The following PIGK variants were observed in gnomAD, a reference collection of about 807,000 sequenced individuals.
The protein encoded by PIGK is phosphatidylinositol glycan anchor biosynthesis class K.
A neutral mutation model predicts 50.6 loss-of-function variants in PIGK; 42 were observed. That is an observed-to-expected ratio of 0.83 (90% confidence interval 0.65 to 1.07). The LOEUF (loss-of-function observed/expected upper bound fraction) is 1.07. Among genes scored for constraint, PIGK ranks in the 50% least tolerant of loss-of-function variants. The pLI, the probability that PIGK is intolerant of heterozygous loss-of-function variation, is 0.00. For missense variants in PIGK, 448 were observed against 488.7 expected (o/e 0.92, Z 0.78); for synonymous variants, 151 against 156.0 (o/e 0.97, Z 0.24).
chr1:77,151,638 AT>A (rs1402869819), intron 9 of PIGK, among the ~76,000 whole-genome samples: 10 of 152,308 alleles, frequency 6.6e-5, no homozygotes, highest in African/African-American at 2.4e-4. Flanking sequence ...TGATGAACAA[AT>A]TCAGTAAAGT....
At chr1:77,105,280 G>C (rs1653642224) in intron 10 of PIGK, among the ~76,000 whole-genome samples, 1 of 151,884 alleles carries the variant, frequency 6.6e-6, no homozygotes, top group African/African-American at 2.4e-5. Flanking sequence ...CACAGGATGG[G>C]GGTGGGGCAG....
At chr1:77,104,268 A>T (rs747681182) in intron 10 of PIGK, among the ~76,000 whole-genome samples, 1 of 152,146 alleles carries the variant, frequency 6.6e-6, no homozygotes, top group Non-Finnish European at 1.5e-5. Context: ...CTAGAAAAAG[A>T]CTTATGAAAA....
At position 77,163,868 on chromosome 1, in the gene PIGK, C is replaced by T; in HGVS notation, c.562G>A (p.Glu188Lys). The T allele has an allele frequency of 6.2e-7, 1 of 1,607,586 alleles. No homozygotes were observed. Among genetic ancestry groups the T allele is most frequent in the East Asian group, 2.2e-5 (1 of 44,606 alleles). Residue 188 changes from glutamate (E) to lysine (K), a missense_variant, in exon 6 of 11, where the codon GAA (glutamate) becomes AAA (lysine). Glu to Lys is a moderately conservative substitution (Grantham distance 56). Coordinates refer to ENST00000370812, the MANE Select transcript of PIGK (RefSeq NM_005482.3). ...TACCGTCTTTTCTGCCACATTTGTT[C>T]AAAAGCATCCGCGAGTTCTATGTTG... is the stretch of plus-strand genomic sequence containing the variant. Reference protein sequence around the residue: ...ITNIELADAFEQMWQKRRYNE... With the variant: ...ITNIELADAFKQMWQKRRYNE...
At chr1:77,096,340 G>A (rs536235261) in intron 10 of PIGK, among the ~76,000 whole-genome samples, 106 of 152,226 alleles carry the variant, frequency 7.0e-4, no homozygotes, top group African/African-American at 2.4e-3. Context: ...CCTCTGCAAC[G>A]TGACTTTATA....
intron 9 of PIGK, among the ~76,000 whole-genome samples, chr1:77,136,054 T>C (rs1267212650): frequency 1.3e-5 from 2 of 152,298 alleles, no homozygotes; most frequent in South Asian, 2.1e-4. Context: ...TGCATCCCTT[T>C]AGGTATTAAG....
chr1:77,191,523 C>T (rs929678899), intron 3 of PIGK, among the ~76,000 whole-genome samples: 7 of 152,152 alleles, frequency 4.6e-5, no homozygotes, highest in Admixed American at 1.3e-4. Context: ...TTGACCACAT[C>T]CTGAATTATA....
intron 10 of PIGK, among the ~76,000 whole-genome samples, chr1:77,115,576 GAATACTCCCA>G (rs777569460): frequency 2.0e-5 from 3 of 151,966 alleles, no homozygotes; most frequent in Non-Finnish European, 4.4e-5. Context: ...CAAATACCTA[GAATACTCCCA>G]AAGAGCAACA....
intron 3 of PIGK, among the ~76,000 whole-genome samples, chr1:77,184,775 C>A (rs1655701319): frequency 6.6e-6 from 1 of 152,204 alleles, no homozygotes; most frequent in East Asian, 1.9e-4. Context: ...CCCATATTGG[C>A]TCCTTGACTG....
chr1:77,148,748 C>T (rs1180669261), intron 9 of PIGK, among the ~76,000 whole-genome samples: 2 of 149,312 alleles, frequency 1.3e-5, no homozygotes, highest in Non-Finnish European at 3.0e-5. Flanking sequence ...CAGAGTCTTG[C>T]TCTGTCGCCA....
rs113103663 is a variant in PIGK, at chr1:77,134,315, T to C, written c.987-11956A>G. ...ATCCTGAAGATGTTTATCTCCTCAG[T>C]AATACAAGACTAGTAAATTCATAGC... On this transcript the variant is annotated intron_variant, in intron 9 of 10. Transcript: ENST00000370812. 4.7e-3 allele frequency among the ~76,000 whole-genome samples: 712 copies of C among 152,350 alleles called. 4 individuals are homozygous for C. The highest frequency in any genetic ancestry group is 0.027 in the Middle Eastern group (8 of 294).
intron 10 of PIGK, among the ~76,000 whole-genome samples, chr1:77,117,307 A>G (rs1321144885): frequency 6.6e-6 from 1 of 152,232 alleles, no homozygotes; most frequent in Non-Finnish European, 1.5e-5. Flanking sequence ...AAAATTATCT[A>G]TTGAGACTTG....
chr1:77,136,013 CTT>C (rs1459267225), intron 9 of PIGK, among the ~76,000 whole-genome samples: 1 of 152,180 alleles, frequency 6.6e-6, no homozygotes, highest in Non-Finnish European at 1.5e-5. Flanking sequence ...ACTCAGACCT[CTT>C]TTCTGGTTCA....
chr1:77,136,536 C>CAAA lies in PIGK; in HGVS notation c.987-14180_987-14178dup, dbSNP rs778130093. 1.8e-3 allele frequency among the ~76,000 whole-genome samples: 116 copies of CAAA among 63,262 alleles called. 2 individuals are homozygous for CAAA. The highest frequency in any genetic ancestry group is 7.9e-3 in the Middle Eastern group (1 of 126). The allele number at this position is 63,262 out of a possible 152,430, so 41.5% of individuals were successfully genotyped here. On this transcript the variant is annotated intron_variant, in intron 9 of 10. Coordinates refer to ENST00000370812, the MANE Select transcript of PIGK (RefSeq NM_005482.3). Reference sequence around the variant, plus strand: ...TGGGCGACAGAGCGAGACTCCGTCTCAAAAAAAAAAAAAAAAAAAAAAAAG... The same window carrying CAAA: ...TGGGCGACAGAGCGAGACTCCGTCTCAAAAAAAAAAAAAAAAAAAAAAAAAAAG...
At chr1:77,106,405 T>A (rs1303816649) in intron 10 of PIGK, among the ~76,000 whole-genome samples, 4 of 152,164 alleles carry the variant, frequency 2.6e-5, no homozygotes, top group African/African-American at 7.2e-5. Flanking sequence ...CAAATTAACT[T>A]TTTGGAACAC....
intron 10 of PIGK, among the ~76,000 whole-genome samples, chr1:77,096,623 C>T (rs1322037790): frequency 1.3e-5 from 2 of 152,160 alleles, no homozygotes; most frequent in Non-Finnish European, 2.9e-5. Flanking sequence ...GTTGACCACA[C>T]CACAGACTCA....
intron 9 of PIGK, among the ~76,000 whole-genome samples, chr1:77,150,723 T>C (rs1654877845): frequency 6.6e-6 from 1 of 152,054 alleles, no homozygotes; most frequent in South Asian, 2.1e-4. Flanking sequence ...AACAAGTACA[T>C]GCCGAAAAAA....
intron 10 of PIGK, among the ~76,000 whole-genome samples, chr1:77,108,881 A>G (rs1372085220): frequency 6.6e-6 from 1 of 152,154 alleles, no homozygotes; most frequent in African/African-American, 2.4e-5. Context: ...AGTTGATTGA[A>G]TTGGCTACTG....
intron 10 of PIGK, among the ~76,000 whole-genome samples, chr1:77,100,915 C>T (rs1653527328): frequency 1.3e-5 from 2 of 152,148 alleles, no homozygotes; most frequent in African/African-American, 4.8e-5. Flanking sequence ...GAAGAGAACC[C>T]TGAGCCTCAA....
rs1386097641 is a variant in PIGK, at chr1:77,161,650, A to G, written c.646T>C (p.Tyr216His). 6.3e-7 allele frequency: 1 copy of G among 1,593,078 alleles called. No individual in the cohort carries two copies. The highest frequency in any genetic ancestry group is 8.6e-7 in the Non-Finnish European group (1 of 1,160,874). Residue 216 changes from tyrosine (Y) to histidine (H), a missense_variant, in exon 7 of 11, where the codon TAT becomes CAT. Tyr to His is a moderately conservative substitution (Grantham distance 83). Coordinates refer to ENST00000370812, the MANE Select transcript of PIGK (RefSeq NM_005482.3). Reference protein sequence around the residue: ...CQGASMYERFYSPNIMALASS... With the variant: ...CQGASMYERFHSPNIMALASS... ...GCTAGAGCCATTATGTTAGGAGAAT[A>G]AAATCGTTCATACATGGATGCTCCT... is the stretch of plus-strand genomic sequence containing the variant.
Sources: gnomAD v4.1 joint callset for allele counts (sites outside exome capture counted in the v4.1 genomes callset) on GRCh38, gnomAD v4.1.1 for gene constraint, MANE v1.5 for transcripts, NCBI Gene and HGNC (gene_info 2026-07-23, HGNC 2026-07-21) for gene names.